The following PGCKA1 variants were observed in gnomAD, a reference collection of about 807,000 sequenced individuals.
PGCKA1 encodes PDCD10 and GCKIII kinases associated 1.
the PGCKA1 span, among the ~76,000 whole-genome samples, chr4:37,527,519 A>G: frequency 1.3e-5 from 2 of 152,074 alleles, no homozygotes; most frequent in South Asian, 2.1e-4. Context: ...TTATGTTTAG[A>G]TACATAAATA....
the PGCKA1 span, among the ~76,000 whole-genome samples, chr4:37,571,453 C>T: frequency 6.6e-6 from 1 of 151,016 alleles, no homozygotes; most frequent in African/African-American, 2.4e-5. Flanking sequence ...ACCTCCACCT[C>T]CCGGGTTCAA....
the PGCKA1 span, among the ~76,000 whole-genome samples, chr4:37,587,735 A>C: frequency 6.6e-6 from 1 of 152,190 alleles, no homozygotes; most frequent in Non-Finnish European, 1.5e-5. Flanking sequence ...TTGAGAGGCC[A>C]AGGCAGGCAG....
At chr4:37,505,272 G>A in the PGCKA1 span, among the ~76,000 whole-genome samples, 4 of 152,118 alleles carry the variant, frequency 2.6e-5, no homozygotes, top group African/African-American at 9.7e-5. Context: ...ATTACACTTG[G>A]TCATGAAGAA....
At chr4:37,465,772 T>C in the PGCKA1 span, among the ~76,000 whole-genome samples, 1 of 152,134 alleles carries the variant, frequency 6.6e-6, no homozygotes, top group Non-Finnish European at 1.5e-5. Context: ...CCAAGTTTGA[T>C]TAGTAAGCAG....
chr4:37,455,675 C>G, the PGCKA1 span, among the ~76,000 whole-genome samples: 2 of 152,202 alleles, frequency 1.3e-5, no homozygotes, highest in Middle Eastern at 3.2e-3. Flanking sequence ...TGCATACCAA[C>G]TCAACACGTT....
the PGCKA1 span, among the ~76,000 whole-genome samples, chr4:37,481,464 C>CAAAAAAAAAAAAAAAAAAAAA: frequency 8.1e-5 from 5 of 61,434 alleles, 1 homozygote; most frequent in Admixed American, 1.5e-4. Context: ...GACCTGTCTC[C>CAAAAAAAAAAAAAAAAAAAAA]AAAAAAAAAA....
the PGCKA1 span, among the ~76,000 whole-genome samples, chr4:37,582,223 T>A: frequency 6.6e-6 from 1 of 152,152 alleles, no homozygotes; most frequent in African/African-American, 2.4e-5. Flanking sequence ...CCAGGTACAC[T>A]GATTGTGTAC....
the PGCKA1 span, among the ~76,000 whole-genome samples, chr4:37,475,983 C>T: frequency 6.7e-6 from 1 of 149,478 alleles, no homozygotes; most frequent in Non-Finnish European, 1.5e-5. Context: ...TTTTATTTTA[C>T]AATACATTAT....
At chr4:37,530,024 C>G in the PGCKA1 span, among the ~76,000 whole-genome samples, 1 of 152,042 alleles carries the variant, frequency 6.6e-6, no homozygotes, top group Non-Finnish European at 1.5e-5. Flanking sequence ...GGTAAAGGAT[C>G]AAAAAAGGCC....
the PGCKA1 span, among the ~76,000 whole-genome samples, chr4:37,581,202 G>A: frequency 6.6e-6 from 1 of 152,150 alleles, no homozygotes; most frequent in Admixed American, 6.5e-5. This position sits in a 1 kb window ranked among gnomAD's most constrained non-coding sequence, Gnocchi z 4.4. Flanking sequence ...TTGAATTAGG[G>A]ACTCCAAGAG....
the PGCKA1 span, among the ~76,000 whole-genome samples, chr4:37,513,298 G>C: frequency 0.011 from 1,626 of 152,290 alleles, 40 homozygotes; most frequent in African/African-American, 0.037. Flanking sequence ...TATGTAGTCA[G>C]CTAGGGCTGC....
At chr4:37,457,111 T>C in the PGCKA1 span, among the ~76,000 whole-genome samples, 1 of 152,270 alleles carries the variant, frequency 6.6e-6, no homozygotes, top group African/African-American at 2.4e-5. Context: ...TAGCCAATTA[T>C]ATTTCACATT....
the PGCKA1 span, among the ~76,000 whole-genome samples, chr4:37,509,907 G>T: frequency 6.7e-6 from 1 of 150,176 alleles, no homozygotes; most frequent in Admixed American, 6.6e-5. Context: ...AGCCGAGATG[G>T]TGGCAGTACA....
the PGCKA1 span, among the ~76,000 whole-genome samples, chr4:37,487,744 C>T: frequency 6.6e-6 from 1 of 152,150 alleles, no homozygotes; most frequent in Admixed American, 6.6e-5. Context: ...ATGAATCATA[C>T]ATTTATATCA....
the PGCKA1 span, among the ~76,000 whole-genome samples, chr4:37,569,862 T>C: frequency 4.6e-5 from 7 of 152,052 alleles, no homozygotes; most frequent in Non-Finnish European, 7.4e-5. Context: ...TGCACACAAA[T>C]ATCCCGTCAA....
At chr4:37,546,489 A>G in the PGCKA1 span, among the ~76,000 whole-genome samples, 1 of 152,238 alleles carries the variant, frequency 6.6e-6, no homozygotes, top group Non-Finnish European at 1.5e-5. Context: ...AGATTGCTCA[A>G]TCAATCACGA....
At chr4:37,524,404 G>A in the PGCKA1 span, among the ~76,000 whole-genome samples, 1 of 152,174 alleles carries the variant, frequency 6.6e-6, no homozygotes, top group African/African-American at 2.4e-5. Flanking sequence ...ATACTTCCAA[G>A]GTGACTCAAG....
At chr4:37,578,990 G>A in the PGCKA1 span, among the ~76,000 whole-genome samples, 2,002 of 152,178 alleles carry the variant, frequency 0.013, 105 homozygotes, top group South Asian at 0.13. Flanking sequence ...CCTGGGAGGC[G>A]GAGGTTGCAG....
the PGCKA1 span, among the ~76,000 whole-genome samples, chr4:37,570,129 G>A: frequency 1.8e-4 from 12 of 66,870 alleles, no homozygotes; most frequent in Non-Finnish European, 2.7e-4. Flanking sequence ...ACAGGCGCCC[G>A]CCACCACGCC....
Sources: gnomAD v4.1 joint callset for allele counts (sites outside exome capture counted in the v4.1 genomes callset) on GRCh38, gnomAD v4.1.1 for gene constraint, Gnocchi (gnomAD v3.1) non-coding constraint, MANE v1.5 for transcripts, NCBI Gene and HGNC (gene_info 2026-07-23, HGNC 2026-07-21) for gene names.